Variants in FRMPD2 observed in about 807,000 individuals in gnomAD.
FRMPD2 encodes FERM and PDZ domain containing 2, also known as FERM and PDZ domain-containing protein 2.
Under a neutral mutation model 140.1 loss-of-function variants are expected in FRMPD2, and 96 were observed. The observed-to-expected ratio is 0.69, with a 90% confidence interval of 0.58 to 0.81. The LOEUF (loss-of-function observed/expected upper bound fraction) is 0.81. Ranked by LOEUF, FRMPD2 falls within the 40% of genes least tolerant of loss-of-function variation. The probability of loss-of-function intolerance (pLI) is 0.00; values close to 1 mark genes in which losing one functional copy is unlikely to be tolerated. For synonymous variants in FRMPD2, 449 were observed against 547.6 expected (o/e 0.82, Z 2.52); for missense variants, 1,240 against 1,447.4 (o/e 0.86, Z 2.32).
At chr10:48,221,556 A>C (rs1839586919) in intron 12 of FRMPD2, among the ~76,000 whole-genome samples, 1 of 152,146 alleles carries the variant, frequency 6.6e-6, no homozygotes, top group African/African-American at 2.4e-5. Flanking sequence ...GTAACCAAAC[A>C]CCACCTGTTC....
chr10:48,227,395 G>C (rs1839748158), intron 10 of FRMPD2, among the ~76,000 whole-genome samples: 1 of 152,190 alleles, frequency 6.6e-6, no homozygotes, highest in African/African-American at 2.4e-5. Context: ...GTTTGCATCA[G>C]ATGGCGAGCC....
chr10:48,239,829 C>A, intron 6 of FRMPD2, 137 bp from the exon 7 acceptor site: 1 of 631,216 alleles, frequency 1.6e-6, no homozygotes, highest in Non-Finnish European at 2.9e-6. Context: ...CTCTCTGAAT[C>A]TGTTTCCTCA....
intron 1 of FRMPD2, among the ~76,000 whole-genome samples, chr10:48,269,173 G>A (rs1840727296): frequency 6.6e-6 from 1 of 152,188 alleles, no homozygotes; most frequent in Non-Finnish European, 1.5e-5. Context: ...AAACAGCAAT[G>A]AGAATTTATC....
intron 12 of FRMPD2, 48 bp downstream of exon 12, chr10:48,222,265 C>G (rs369196844): frequency 6.3e-7 from 1 of 1,591,822 alleles, no homozygotes. Context: ...CATCCTGTAA[C>G]TGTTTTTCCA....
chr10:48,167,590 A>T (rs1157807134), intron 27 of FRMPD2, among the ~76,000 whole-genome samples: 1 of 116,892 alleles, frequency 8.6e-6, no homozygotes, highest in African/African-American at 3.3e-5. Context: ...CTCACAGGGG[A>T]TGTTCTCAAG....
At chr10:48,202,384 G>T (rs1047194904) in intron 14 of FRMPD2, among the ~76,000 whole-genome samples, 2 of 152,062 alleles carry the variant, frequency 1.3e-5, no homozygotes, top group Admixed American at 6.5e-5. Context: ...CTCCATTCAC[G>T]CATGTCAGAT....
intron 27 of FRMPD2, 127 bp from the exon 28 acceptor site, chr10:48,163,798 A>G (rs1247765072): frequency 1.5e-6 from 1 of 672,288 alleles, no homozygotes; most frequent in African/African-American, 1.8e-5. Flanking sequence ...AGGTCTGTCT[A>G]TCACCATAGC....
intron 15 of FRMPD2, among the ~76,000 whole-genome samples, chr10:48,194,341 C>T (rs532436346): frequency 5.9e-5 from 9 of 152,242 alleles, no homozygotes; most frequent in Admixed American, 4.6e-4. Context: ...CCACAGTCCA[C>T]GCTGGAAAAT....
chr10:48,200,905 C>G (rs1839070597), intron 15 of FRMPD2, among the ~76,000 whole-genome samples: 1 of 152,280 alleles, frequency 6.6e-6, no homozygotes, highest in Admixed American at 6.5e-5. Flanking sequence ...GTGTATGTCT[C>G]TATTGATTAT....
Position 48,185,583 on chromosome 10 carries a change from T to G in FRMPD2, c.2329A>C (p.Thr777Pro). 1 of 1,614,006 alleles carries G rather than the reference T, an allele frequency of 6.2e-7. No homozygotes were observed. The highest frequency in any genetic ancestry group is 2.2e-5 in the East Asian group (1 of 44,882). Residue 777 changes from threonine (T) to proline (P), a missense_variant, in exon 18 of 29, where the codon ACA (threonine) becomes CCA (proline). Around this residue, in one of 6 missense-constraint regions of FRMPD2, gnomAD observed 1,161 missense variants for 1,055.9 expected, o/e 1.10. Transcript: ENST00000374201. ...CCACGATGTGGGTCACGTTTCAGTGTCACACGTACAATTTCTCGGCCCGGT... is the reference window on the plus strand; with the variant it reads ...CCACGATGTGGGTCACGTTTCAGTGGCACACGTACAATTTCTCGGCCCGGT... ...AEPGREIVRV[T>P]LKRDPHRGFG...
chr10:48,212,412 G>A (rs1247205068), intron 12 of FRMPD2, among the ~76,000 whole-genome samples: 1 of 152,122 alleles, frequency 6.6e-6, no homozygotes, highest in African/African-American at 2.4e-5. Flanking sequence ...CATTGTCATT[G>A]CCATTGACAA....
chr10:48,207,213 A>C (rs1436686537), intron 13 of FRMPD2, among the ~76,000 whole-genome samples: 1 of 150,750 alleles, frequency 6.6e-6, no homozygotes, highest in African/African-American at 2.5e-5. Flanking sequence ...GAATACAGTT[A>C]TTATGAAAAT....
intron 1 of FRMPD2, among the ~76,000 whole-genome samples, chr10:48,266,233 A>G (rs1248215479): frequency 1.3e-5 from 2 of 152,134 alleles, no homozygotes; most frequent in African/African-American, 4.8e-5. Flanking sequence ...AGACTGAGAG[A>G]AGGGAGAGGA....
intron 11 of FRMPD2, among the ~76,000 whole-genome samples, chr10:48,222,777 C>T (rs1048911072): frequency 1.3e-5 from 2 of 152,162 alleles, no homozygotes; most frequent in Admixed American, 1.3e-4. Context: ...GATCAAACTG[C>T]AAACCCATGT....
In FRMPD2 at chr10:48,244,807, C is replaced by A; in HGVS notation, c.352G>T (p.Gly118Trp). ...SLGMTLYWSA[G>W]FHVPPHQPLQ... is the part of the protein sequence containing the mutation. ...ACCTGATGTGGCGGAACATGAAACC[C>A]TGCTGACCAGTAGAGGGTCATTCCT... The change falls in exon 4 of 29, where the codon GGG (glycine) becomes TGG (tryptophan). Residue 118 changes from glycine (G) to tryptophan (W), a missense_variant. Gly to Trp is a radical substitution (Grantham distance 184). Around this residue, in one of 6 missense-constraint regions of FRMPD2, gnomAD observed 1,161 missense variants for 1,055.9 expected, o/e 1.10. Coordinates refer to ENST00000374201, the MANE Select transcript of FRMPD2 (RefSeq NM_001018071.4). 6.2e-7 allele frequency: 1 copy of A among 1,613,674 alleles called. No individual in the cohort carries two copies. The highest frequency in any genetic ancestry group is 1.3e-5 in the African/African-American group (1 of 75,048).
intron 1 of FRMPD2, among the ~76,000 whole-genome samples, chr10:48,271,587 A>G (rs929645428): frequency 1.3e-5 from 2 of 152,142 alleles, no homozygotes; most frequent in Non-Finnish European, 2.9e-5. Flanking sequence ...ATGTTGGGCT[A>G]TGATAGCTCA....
intron 20 of FRMPD2, among the ~76,000 whole-genome samples, chr10:48,181,909 C>CACACACAG (rs1554792729): frequency 2.2e-5 from 3 of 138,170 alleles, no homozygotes; most frequent in Non-Finnish European, 4.8e-5. Flanking sequence ...CACACACACA[C>CACACACAG]ACAGACACGC....
At position 48,242,368 on chromosome 10, in the gene FRMPD2, G is replaced by T. The variant is rs1252823141; in HGVS notation, c.376-16C>A. 1 of 1,606,958 alleles carries T rather than the reference G, an allele frequency of 6.2e-7. No individual in the cohort carries two copies. The highest frequency in any genetic ancestry group is 1.3e-5 in the African/African-American group (1 of 74,798). ...GCTGCAGGGGCTGGAGGCAGACAGG[G>T]CCGGTGAGAGGAGAGAGCAGCCAGA... is the stretch of plus-strand genomic sequence containing the variant. On this transcript the variant is annotated splice_polypyrimidine_tract_variant and intron_variant, in intron 4 of 28. Coordinates refer to ENST00000374201, the MANE Select transcript of FRMPD2 (RefSeq NM_001018071.4).
chr10:48,259,651 TGTGTGTGA>T (rs1840545731), intron 1 of FRMPD2, among the ~76,000 whole-genome samples: 1 of 151,890 alleles, frequency 6.6e-6, no homozygotes, highest in African/African-American at 2.4e-5. Context: ...TGTGTGTGTG[TGTGTGTGA>T]GTATACACAC....
Sources: allele counts gnomAD v4.1 joint callset (sites outside exome capture counted in the v4.1 genomes callset), GRCh38; gene constraint gnomAD v4.1.1; regional missense constraint gnomAD v4.1.1; transcripts MANE v1.5; gene names NCBI Gene and HGNC (gene_info 2026-07-23, HGNC 2026-07-21).